RSF1: variants seen among roughly 807,000 people sequenced by gnomAD.
RSF1 encodes the protein remodeling and spacing factor 1.
A neutral mutation model predicts 145.2 loss-of-function variants in RSF1; 13 were observed. The observed-to-expected ratio is 0.09, with a 90% CI of 0.06 to 0.14. The LOEUF (loss-of-function observed/expected upper bound fraction) is 0.14, where lower values mean the gene tolerates loss of function less well. Ranked by LOEUF, RSF1 falls within the 10% of genes least tolerant of loss-of-function variation. The pLI is 1.00. For synonymous variants in RSF1, 577 were observed against 592.6 expected (o/e 0.97, Z 0.38); for missense variants, 1,517 against 1,718.2 (o/e 0.88, Z 2.07).
upstream of RSF1, among the ~76,000 whole-genome samples, chr11:77,821,834 G>T (rs1162624433): frequency 6.6e-6 from 1 of 152,164 alleles, no homozygotes; most frequent in African/African-American, 2.4e-5. Context: ...ATGCTTAGAA[G>T]CCTGAGCTTT....
At chr11:77,737,621 G>GGGGGTGTGT (rs1491534916) in intron 4 of RSF1, among the ~76,000 whole-genome samples, 1 of 93,496 alleles carries the variant, frequency 1.1e-5, no homozygotes, top group African/African-American at 3.8e-5. Context: ...TGTTTTGGGG[G>GGGGGTGTGT]GTGTGTGTGT....
At chr11:77,700,696 T>A in intron 6 of RSF1, 25 bp downstream of exon 6, 1 of 1,501,390 alleles carries the variant, frequency 6.7e-7, no homozygotes, top group East Asian at 2.3e-5. Context: ...CAAATATTTT[T>A]AATTAAAGTT....
intron 2 of RSF1, among the ~76,000 whole-genome samples, chr11:77,761,065 C>A (rs980153702): frequency 5.9e-5 from 9 of 152,206 alleles, no homozygotes; most frequent in South Asian, 4.1e-4. Context: ...CTGCCTCAGC[C>A]TCCGGAGTAG....
At chr11:77,867,211 C>T in the RSF1 span, among the ~76,000 whole-genome samples, 2 of 152,156 alleles carry the variant, frequency 1.3e-5, no homozygotes, top group African/African-American at 2.4e-5. Flanking sequence ...AACTGGAAAA[C>T]GCTTCTTTCT....
At chr11:77,790,257 G>A (rs1590888799) in intron 1 of RSF1, among the ~76,000 whole-genome samples, 1 of 152,122 alleles carries the variant, frequency 6.6e-6, no homozygotes, top group South Asian at 2.1e-4. Flanking sequence ...CATGGATGGT[G>A]GCAGGCAAAG....
chr11:77,824,180 T>G (rs1454956558), upstream of RSF1, among the ~76,000 whole-genome samples: 1 of 152,246 alleles, frequency 6.6e-6, no homozygotes, highest in Non-Finnish European at 1.5e-5. Context: ...TCATCACTTC[T>G]TGCTTTCCTG....
At chr11:77,753,384 A>T (rs544906588) in intron 2 of RSF1, among the ~76,000 whole-genome samples, 1 of 152,178 alleles carries the variant, frequency 6.6e-6, no homozygotes, top group Non-Finnish European at 1.5e-5. Context: ...GGAGACATTT[A>T]GTTTACAATT....
At chr11:77,787,939 G>A (rs1486926345) in intron 1 of RSF1, among the ~76,000 whole-genome samples, 2 of 150,898 alleles carry the variant, frequency 1.3e-5, no homozygotes, top group African/African-American at 4.9e-5. Context: ...GACGAGTCTG[G>A]GCAACACAGT....
chr11:77,861,707 A>G, the RSF1 span, among the ~76,000 whole-genome samples: 1 of 152,174 alleles, frequency 6.6e-6, no homozygotes, highest in Non-Finnish European at 1.5e-5. Flanking sequence ...AGCAAGCCCT[A>G]TTAGGCATTC....
intron 2 of RSF1, among the ~76,000 whole-genome samples, chr11:77,760,198 T>C (rs1948157839): frequency 6.6e-6 from 1 of 152,178 alleles, no homozygotes; most frequent in Admixed American, 6.5e-5. Context: ...CAACTGATGA[T>C]GGATACATAA....
rs528071781 is a variant in RSF1, at chr11:77,725,154, T to C, written c.733+391A>G. Among the ~76,000 whole-genome samples, 4 of 152,316 alleles carry C rather than the reference T, an allele frequency of 2.6e-5. No individual in the cohort carries two copies. The East Asian group carries it at 5.8e-4, about 22-fold the overall frequency. On this transcript the variant is annotated intron_variant, in intron 5 of 15. Transcript: ENST00000308488. The stretch of plus-strand genomic sequence containing the variant: ...AGATCAAAAAAGTTCTGGAGATGGA[T>C]GGTGGTGATGGGTGCATCACAACAA...
intron 1 of RSF1, among the ~76,000 whole-genome samples, chr11:77,783,687 A>T (rs1188849390): frequency 1.3e-5 from 2 of 151,974 alleles, no homozygotes; most frequent in Admixed American, 6.6e-5. Context: ...ACAAAAAATT[A>T]AAAAATTAGC....
At chr11:77,776,307 C>T (rs967064732) in intron 1 of RSF1, among the ~76,000 whole-genome samples, 2 of 152,164 alleles carry the variant, frequency 1.3e-5, no homozygotes, top group Non-Finnish European at 2.9e-5. Flanking sequence ...GGTGTTACAA[C>T]ATCAGTTAGA....
intron 9 of RSF1, among the ~76,000 whole-genome samples, chr11:77,688,415 A>G (rs1786083997): frequency 6.6e-6 from 1 of 152,228 alleles, no homozygotes; most frequent in South Asian, 2.1e-4. Flanking sequence ...AAGGATAAAC[A>G]GATTTGAGCA....
At chr11:77,743,336 C>G (rs1463314094) in intron 3 of RSF1, among the ~76,000 whole-genome samples, 1 of 152,176 alleles carries the variant, frequency 6.6e-6, no homozygotes, top group Non-Finnish European at 1.5e-5. Context: ...GTACGGACAT[C>G]TTAACAAGAT....
chr11:77,730,100 T>C (rs1281776895), intron 4 of RSF1, among the ~76,000 whole-genome samples: 1 of 152,084 alleles, frequency 6.6e-6, no homozygotes, highest in Non-Finnish European at 1.5e-5. Context: ...AGGTATTAAA[T>C]TATTCCCATT....
the RSF1 span, among the ~76,000 whole-genome samples, chr11:77,836,299 T>C: frequency 6.6e-6 from 1 of 152,092 alleles, no homozygotes; most frequent in African/African-American, 2.4e-5. Context: ...GATAGGGTCT[T>C]CAAGGAGGTA....
chr11:77,771,065 AT>A (rs1948280017), intron 1 of RSF1, among the ~76,000 whole-genome samples: 1 of 152,180 alleles, frequency 6.6e-6, no homozygotes, highest in African/African-American at 2.4e-5. Context: ...TTCTAACTCA[AT>A]TTAACGATCA....
At chr11:77,857,811 C>T in the RSF1 span, among the ~76,000 whole-genome samples, 2 of 151,706 alleles carry the variant, frequency 1.3e-5, no homozygotes, top group African/African-American at 4.8e-5. Context: ...ATTCTCCTGC[C>T]TCAGCCTCCC....
Sources: gnomAD v4.1 joint callset for allele counts (sites outside exome capture counted in the v4.1 genomes callset) on GRCh38, gnomAD v4.1.1 for gene constraint, MANE v1.5 for transcripts, NCBI Gene and HGNC (gene_info 2026-07-23, HGNC 2026-07-21) for gene names.